The following COP1 variants were observed in gnomAD, a reference collection of about 807,000 sequenced individuals.
COP1 encodes COP1 E3 ubiquitin ligase, also known as E3 ubiquitin-protein ligase COP1.
A neutral mutation model predicts 101.3 loss-of-function variants in COP1; 24 were observed. The observed-to-expected ratio is 0.24, with a 90% CI of 0.17 to 0.33. The LOEUF (loss-of-function observed/expected upper bound fraction) is 0.33, where lower values mean the gene tolerates loss of function less well. Ranked by LOEUF, COP1 falls within the 10% of genes least tolerant of loss-of-function variation. COP1 has a pLI of 1.00. For missense variants in COP1, 663 were observed against 906.2 expected, an observed-to-expected ratio of 0.73 and a Z score of 3.45; for synonymous variants, 347 against 341.9, an observed-to-expected ratio of 1.01 and a Z score of -0.17.
intron 15 of COP1, among the ~76,000 whole-genome samples, chr1:175,994,685 G>C (rs563208925): frequency 6.6e-6 from 1 of 152,300 alleles, no homozygotes; most frequent in African/African-American, 2.4e-5. Context: ...AATTCAACAA[G>C]AAGAGCTAAC....
intron 14 of COP1, among the ~76,000 whole-genome samples, chr1:176,029,915 T>A (rs929739359): frequency 1.3e-5 from 2 of 152,156 alleles, no homozygotes; most frequent in Admixed American, 1.3e-4. Context: ...CACAGTAAAC[T>A]AAGACCCTCA....
chr1:176,001,670 C>T (rs1557888070), intron 15 of COP1, among the ~76,000 whole-genome samples: 2 of 152,066 alleles, frequency 1.3e-5, no homozygotes, highest in Admixed American at 6.6e-5. Context: ...TTTTTATATA[C>T]CGATATGATT....
intron 18 of COP1, among the ~76,000 whole-genome samples, chr1:175,962,531 G>C (rs1651500183): frequency 6.6e-6 from 1 of 151,952 alleles, no homozygotes; most frequent in East Asian, 1.9e-4. Context: ...TCCAAACCGA[G>C]CCTTTTCATT....
chr1:176,002,430 G>A (rs1325900852), intron 15 of COP1, among the ~76,000 whole-genome samples: 1 of 151,846 alleles, frequency 6.6e-6, no homozygotes, highest in Non-Finnish European at 1.5e-5. Flanking sequence ...ATGTATACAT[G>A]TGCCATGCTG....
chr1:176,086,264 C>T (rs1325166307), intron 9 of COP1, among the ~76,000 whole-genome samples: 1 of 131,708 alleles, frequency 7.6e-6, no homozygotes, highest in Non-Finnish European at 1.5e-5. Flanking sequence ...CTCACTCTGT[C>T]GCCCAGGCTG....
chr1:176,206,690 C>T lies in COP1; in HGVS notation c.289G>A (p.Ala97Thr). 1.2e-6 allele frequency: 2 copies of T among 1,606,464 alleles called. No homozygotes were observed. The highest frequency in any genetic ancestry group is 1.7e-6 in the Non-Finnish European group (2 of 1,179,494). ...SRHSCAARPS[A>T]GVGGSSSSLG... ...CTGGAGCTGCTGCCTCCTACGCCGG[C>T]GCTGGGCCTGGCCGCGCAGCTGTGC... is the stretch of plus-strand genomic sequence containing the variant. The change falls in exon 1 of 20, where the codon GCC becomes ACC. Residue 97 changes from alanine (A) to threonine (T), a missense_variant. By Grantham distance (58) the Ala-to-Thr change is moderately conservative (BLOSUM62 0). Around this residue, in one of 4 missense-constraint regions of COP1, gnomAD observed 204 missense variants for 203.6 expected, o/e 1.00. Transcript: ENST00000367669.
chr1:176,200,769 TAC>T, intron 1 of COP1, among the ~76,000 whole-genome samples: 1 of 152,196 alleles, frequency 6.6e-6, no homozygotes, highest in South Asian at 2.1e-4. Context: ...ACTTGGCTCA[TAC>T]ACACATAAAG....
At chr1:176,184,757 C>T (rs1398994666) in intron 1 of COP1, 65 bp from the exon 2 acceptor site, 1 of 1,130,280 alleles carries the variant, frequency 8.8e-7, no homozygotes, top group African/African-American at 1.6e-5. Flanking sequence ...TTGGAAAAGA[C>T]TAGTAACAAT....
chr1:175,978,184 A>G (rs1031974875), intron 18 of COP1, among the ~76,000 whole-genome samples: 3 of 152,194 alleles, frequency 2.0e-5, no homozygotes, highest in African/African-American at 7.2e-5. Flanking sequence ...ATTGGCATCA[A>G]TTCTATGCTT....
Position 176,043,857 on chromosome 1 carries a change from T to G in COP1, c.1422-39A>C, listed in dbSNP as rs775801370. 4.5e-6 allele frequency: 5 copies of G among 1,116,394 alleles called. No homozygotes were observed. The African/African-American group carries it at 6.2e-5, about 14-fold the overall frequency. 69.2% of individuals were successfully genotyped at this position (1,116,394 alleles called of 1,614,324 possible). ...AGTTAAAAGTTACTTTACATAAAAA[T>G]AAATAACAATGGGATAAAAATAATT... On this transcript the variant is annotated intron_variant, in intron 12 of 19. Transcript: ENST00000367669.
At chr1:176,160,276 TTTTTTTTAC>T (rs1694108622) in intron 5 of COP1, 2 of 410,154 alleles carry the variant, frequency 4.9e-6, no homozygotes, top group East Asian at 1.5e-4. Flanking sequence ...TTTTTTTTTT[TTTTTTTTAC>T]TTTAAGTTCT....
chr1:176,133,736 T>C (rs1313180325), intron 8 of COP1: 6 of 373,352 alleles, frequency 1.6e-5, no homozygotes, highest in Admixed American at 1.0e-4. Context: ...AAACAATATA[T>C]ACAAAAAAAA....
At chr1:176,040,804 G>A (rs185843887) in intron 14 of COP1, among the ~76,000 whole-genome samples, 3 of 152,242 alleles carry the variant, frequency 2.0e-5, no homozygotes, top group Admixed American at 2.0e-4. Context: ...ATAACATGAT[G>A]CGAAATAAAG....
At chr1:176,074,818 T>G (rs916873170) in intron 11 of COP1, among the ~76,000 whole-genome samples, 16 of 152,146 alleles carry the variant, frequency 1.1e-4, no homozygotes, top group African/African-American at 3.9e-4. Context: ...ATTATTACTC[T>G]TTGTATAGTC....
chr1:176,109,292 T>G (rs1047207797), intron 9 of COP1, among the ~76,000 whole-genome samples: 1 of 152,216 alleles, frequency 6.6e-6, no homozygotes, highest in Non-Finnish European at 1.5e-5. Flanking sequence ...GTTTAAATTA[T>G]TGTTTAGCTG....
intron 15 of COP1, among the ~76,000 whole-genome samples, chr1:175,997,276 G>C (rs958606454): frequency 1.3e-5 from 2 of 152,120 alleles, no homozygotes; most frequent in African/African-American, 4.8e-5. Flanking sequence ...TTAAATGTTA[G>C]ACCTAAAACC....
At chr1:176,039,978 A>C (rs1481646457) in intron 14 of COP1, among the ~76,000 whole-genome samples, 1 of 152,206 alleles carries the variant, frequency 6.6e-6, no homozygotes, top group African/African-American at 2.4e-5. Context: ...AAAATTAAAA[A>C]GTTAAAAACT....
chr1:176,074,414 T>C (rs1359084280), intron 11 of COP1, among the ~76,000 whole-genome samples: 1 of 152,142 alleles, frequency 6.6e-6, no homozygotes, highest in Non-Finnish European at 1.5e-5. Context: ...TTCTTGCTAG[T>C]CTTCATCTCT....
At chr1:176,000,427 T>G (rs1661315990) in intron 15 of COP1, among the ~76,000 whole-genome samples, 3 of 152,048 alleles carry the variant, frequency 2.0e-5, no homozygotes, top group Admixed American at 2.0e-4. Flanking sequence ...TATACTTTTA[T>G]TTAACTGGGA....
Sources: allele counts gnomAD v4.1 joint callset (sites outside exome capture counted in the v4.1 genomes callset), GRCh38; gene constraint gnomAD v4.1.1; regional missense constraint gnomAD v4.1.1; transcripts MANE v1.5; gene names NCBI Gene and HGNC (gene_info 2026-07-23, HGNC 2026-07-21).